GRK5: variants seen among roughly 807,000 people sequenced by gnomAD.
GRK5 encodes G protein-coupled receptor kinase 5, also known as g protein-coupled receptor kinase GRK5.
Under a neutral mutation model 78.4 loss-of-function variants are expected in GRK5, and 40 were observed. That is an observed-to-expected ratio of 0.51 (90% CI 0.40 to 0.66). GRK5 has a LOEUF of 0.66. GRK5 is among the 30% of genes least tolerant of loss of function. The pLI is 0.00. For missense variants in GRK5, 598 were observed against 759.9 expected, an observed-to-expected ratio of 0.79 and a Z score of 2.50; for synonymous variants, 289 against 296.8, an observed-to-expected ratio of 0.97 and a Z score of 0.27.
chr10:119,383,104 G>A (rs1287194056), intron 3 of GRK5, among the ~76,000 whole-genome samples: 1 of 152,082 alleles, frequency 6.6e-6, no homozygotes, highest in Admixed American at 6.5e-5. Context: ...TGTATTTTTA[G>A]TAGAGATGGG....
rs143869676 is a variant in GRK5 at position 119,256,053 on chromosome 10, A to C, written c.52+48084A>C. Among the ~76,000 whole-genome samples the C allele has an allele frequency of 4.5e-4, 68 of 152,244 alleles. 1 individual carries two copies. The highest frequency in any genetic ancestry group is 4.3e-3 in the East Asian group (22 of 5,176). ...AACCATTGTGTAAAATAGTTATTCAAGCAAACCAGTTTGAAACCCTTTGCA... is the reference window on the plus strand; with the variant it reads ...AACCATTGTGTAAAATAGTTATTCACGCAAACCAGTTTGAAACCCTTTGCA... On this transcript the variant is annotated intron_variant, in intron 1 of 15. Transcript: ENST00000392870.
At chr10:119,273,826 T>C (rs551778995) in intron 1 of GRK5, among the ~76,000 whole-genome samples, 3 of 152,214 alleles carry the variant, frequency 2.0e-5, no homozygotes, top group South Asian at 4.1e-4. Context: ...AAGGCTGGAG[T>C]GCAGTGGTGC....
chr10:119,430,316 T>G lies in GRK5; in HGVS notation c.534-59T>G. Reference sequence around the variant, plus strand: ...CAGCTGCTCTCAATGTGCCACTGTTTCCTGTGGATTCTGAGTCTTGGCACC... The same window carrying G: ...CAGCTGCTCTCAATGTGCCACTGTTGCCTGTGGATTCTGAGTCTTGGCACC... On this transcript the variant is annotated intron_variant, in intron 6 of 15. Coordinates refer to ENST00000392870, the MANE Select transcript of GRK5 (RefSeq NM_005308.3). This position sits in a 1 kb window ranked among gnomAD's most constrained non-coding sequence, Gnocchi z 4.5. 8 of 1,466,618 alleles carry G rather than the reference T, an allele frequency of 5.5e-6. No homozygotes were observed. The highest frequency in any genetic ancestry group is 7.6e-6 in the Non-Finnish European group (8 of 1,047,240). 90.9% of individuals were successfully genotyped at this position (1,466,618 alleles called of 1,614,324 possible). A position where few individuals can be genotyped will look rare whatever the true frequency, so the allele number is the denominator to read the frequency against.
chr10:119,315,780 T>G (rs1041182613), intron 1 of GRK5, among the ~76,000 whole-genome samples: 4 of 151,938 alleles, frequency 2.6e-5, no homozygotes, highest in African/African-American at 4.8e-5. Context: ...CGCGGTAGAG[T>G]GATCCTTCCA....
chr10:119,374,154 A>G (rs911170586), intron 2 of GRK5, among the ~76,000 whole-genome samples: 8 of 152,310 alleles, frequency 5.3e-5, no homozygotes, highest in African/African-American at 1.9e-4. Context: ...AATCATCTGC[A>G]TTTGTGAAGC....
In GRK5 at chr10:119,253,690, G is replaced by C. The variant is rs1563288; in HGVS notation, c.52+45721G>C. On this transcript the variant is annotated intron_variant, in intron 1 of 15. Coordinates refer to ENST00000392870, the MANE Select transcript of GRK5 (RefSeq NM_005308.3). The surrounding 1 kb of genome is among the most constrained non-coding windows in gnomAD (Gnocchi z 5.7). ...GCTCTGGGCAGCCCAGCCCAGCTCC[G>C]GGGTGGATGCAAGGCCTGAGAGTGA... 0.021 allele frequency among the ~76,000 whole-genome samples: 3,226 copies of C among 152,280 alleles called. 58 individuals are homozygous for C. Among genetic ancestry groups the C allele is most frequent in the Admixed American group, 0.054 (833 of 15,298 alleles).
intron 1 of GRK5, among the ~76,000 whole-genome samples, chr10:119,223,499 C>A (rs1012441141): frequency 4.0e-5 from 6 of 151,894 alleles, no homozygotes; most frequent in African/African-American, 1.5e-4. Flanking sequence ...CTCTATAGAA[C>A]CCTGGAGCTG....
intron 4 of GRK5, among the ~76,000 whole-genome samples, chr10:119,397,787 C>T (rs57972563): frequency 0.019 from 2,904 of 152,356 alleles, 87 homozygotes; most frequent in African/African-American, 0.065. Context: ...ATTGCCCTTG[C>T]AGGGTGAGAC....
intron 1 of GRK5, among the ~76,000 whole-genome samples, chr10:119,260,660 G>T (rs1461811211): frequency 6.6e-6 from 1 of 151,808 alleles, no homozygotes; most frequent in African/African-American, 2.4e-5. Flanking sequence ...ATCTTGCACC[G>T]CCCTTAATCC....
At chr10:119,341,216 C>T (rs1850975473) in intron 2 of GRK5, among the ~76,000 whole-genome samples, 1 of 152,172 alleles carries the variant, frequency 6.6e-6, no homozygotes, top group African/African-American at 2.4e-5. Flanking sequence ...GCACCTACTT[C>T]CAACCAAGCT....
chr10:119,404,621 G>C (rs137886353), intron 4 of GRK5, among the ~76,000 whole-genome samples: 11 of 152,172 alleles, frequency 7.2e-5, no homozygotes, highest in Non-Finnish European at 1.5e-4. Context: ...GAAAGGGTGT[G>C]TATGGAAACA....
rs116956653 is a variant in GRK5 at position 119,219,237 on chromosome 10, T to C, written c.52+11268T>C. The stretch of plus-strand genomic sequence containing the variant: ...CAACATGATGCATACAAAATGATCA[T>C]TGGATCTGTTGCCTAGGCTGGAGTG... On this transcript the variant is annotated intron_variant, in intron 1 of 15. Transcript: ENST00000392870. Among the ~76,000 whole-genome samples, 378 of 152,174 alleles carry C rather than the reference T, an allele frequency of 2.5e-3. 16 individuals are homozygous for C. In the East Asian group the frequency reaches 0.065, roughly 26 times the overall value.
intron 5 of GRK5, among the ~76,000 whole-genome samples, chr10:119,424,776 A>G (rs115715037): frequency 0.011 from 1,647 of 152,266 alleles, 27 homozygotes; most frequent in African/African-American, 0.038. Context: ...GGCCTAGAAC[A>G]GTGCCCAACA....
At chr10:119,408,704 G>A (rs957776707) in intron 4 of GRK5, among the ~76,000 whole-genome samples, 32 of 152,178 alleles carry the variant, frequency 2.1e-4, no homozygotes, top group African/African-American at 7.7e-4. Flanking sequence ...GGGAGGGAGG[G>A]AGTAGGGAGT....
At chr10:119,374,484 C>G (rs1423660309) in intron 2 of GRK5, among the ~76,000 whole-genome samples, 1 of 152,216 alleles carries the variant, frequency 6.6e-6, no homozygotes, top group Non-Finnish European at 1.5e-5. Flanking sequence ...TTGCTGTGCC[C>G]TCTGTTGGTT....
intron 4 of GRK5, among the ~76,000 whole-genome samples, chr10:119,404,151 G>A (rs1175205436): frequency 2.0e-5 from 3 of 152,238 alleles, no homozygotes; most frequent in African/African-American, 7.2e-5. Flanking sequence ...CAGGGTTCCA[G>A]TTTTGCCAAA....
intron 3 of GRK5, among the ~76,000 whole-genome samples, chr10:119,388,569 T>C (rs1471039168): frequency 6.6e-6 from 1 of 152,192 alleles, no homozygotes; most frequent in Non-Finnish European, 1.5e-5. Flanking sequence ...GCTCCTGACC[T>C]CAAGTGATCT....
rs1329536609 is a variant in GRK5 at position 119,286,425 on chromosome 10, AG to A, written c.53-40090del. On this transcript the variant is annotated intron_variant, in intron 1 of 15. Coordinates refer to ENST00000392870, the MANE Select transcript of GRK5 (RefSeq NM_005308.3). ...GGTTTTTTTGACTCATTCTTGCCAC[AG>A]TCTGTGATTGGATTTTTCAGTACCA... Among the ~76,000 whole-genome samples the A allele has an allele frequency of 1.2e-3, 189 of 152,354 alleles. 2 individuals are homozygous for A. The highest frequency in any genetic ancestry group is 4.2e-3 in the African/African-American group (176 of 41,580).
intron 1 of GRK5, among the ~76,000 whole-genome samples, chr10:119,314,114 C>T (rs990695524): frequency 6.6e-6 from 1 of 152,228 alleles, no homozygotes; most frequent in African/African-American, 2.4e-5. Flanking sequence ...AGGACAGAGC[C>T]ACTGGGAGGG....
Sources: gnomAD v4.1 joint callset for allele counts (sites outside exome capture counted in the v4.1 genomes callset) on GRCh38, gnomAD v4.1.1 for gene constraint, Gnocchi (gnomAD v3.1) non-coding constraint, MANE v1.5 for transcripts, NCBI Gene and HGNC (gene_info 2026-07-23, HGNC 2026-07-21) for gene names.